The following PDE4B variants were observed in gnomAD, a reference collection of about 807,000 sequenced individuals.
PDE4B encodes the protein phosphodiesterase 4B, also known as 3',5'-cyclic-AMP phosphodiesterase 4B.
In PDE4B, 20 loss-of-function variants were observed where a neutral mutation model predicts 82.2. The observed-to-expected ratio is 0.24, with a 90% CI of 0.17 to 0.35. PDE4B has a LOEUF of 0.35. Ranked by LOEUF, PDE4B falls within the 10% of genes least tolerant of loss-of-function variation. The pLI, the probability that PDE4B is intolerant of heterozygous loss-of-function variation, is 1.00. For synonymous variants in PDE4B, 320 were observed against 318.9 expected, an observed-to-expected ratio of 1.00 and a Z score of -0.04; for missense variants, 655 against 907.2, an observed-to-expected ratio of 0.72 and a Z score of 3.57.
rs58193032 is a variant in PDE4B at position 65,818,685 on chromosome 1, C to CATATATATATATATATATATAT, written c.-71+25456_-71+25457insTATATATATATATATATATATA. ...ATACATATATATTCACACACACACA[C>CATATATATATATATATATATAT]ATATATATATATATATATAAAATAA... On this transcript the variant is annotated intron_variant, in intron 1 of 16. Coordinates refer to ENST00000341517, the MANE Select transcript of PDE4B (RefSeq NM_002600.4). Among the ~76,000 whole-genome samples, 77 of 143,766 alleles carry CATATATATATATATATATATAT rather than the reference C, an allele frequency of 5.4e-4. 1 individual carries two copies. The East Asian group carries it at 0.014, about 26-fold the overall frequency. 94.3% of individuals were successfully genotyped at this position (143,766 alleles called of 152,430 possible).
chr1:65,991,662 C>T (rs1188039661), intron 3 of PDE4B, among the ~76,000 whole-genome samples: 1 of 152,068 alleles, frequency 6.6e-6, no homozygotes, highest in Non-Finnish European at 1.5e-5. Context: ...AGCTGTATTC[C>T]AATATATATC....
chr1:66,125,927 C>A (rs916952212), intron 3 of PDE4B, among the ~76,000 whole-genome samples: 1 of 152,184 alleles, frequency 6.6e-6, no homozygotes, highest in Non-Finnish European at 1.5e-5. Context: ...CTGCTTCAGC[C>A]TCCTGAGTAG....
intron 3 of PDE4B, among the ~76,000 whole-genome samples, chr1:66,040,387 C>G (rs564789363): frequency 1.3e-5 from 2 of 152,120 alleles, no homozygotes; most frequent in South Asian, 4.1e-4. Context: ...GCTGGAGGCA[C>G]AAATACATGT....
At chr1:66,268,531 G>A (rs1655216565) in intron 7 of PDE4B, among the ~76,000 whole-genome samples, 1 of 152,014 alleles carries the variant, frequency 6.6e-6, no homozygotes, top group African/African-American at 2.4e-5. Flanking sequence ...AGCTGGGTGT[G>A]GTGGCACGTG....
intron 3 of PDE4B, among the ~76,000 whole-genome samples, chr1:66,113,542 G>C (rs1645531719): frequency 1.3e-5 from 2 of 152,122 alleles, no homozygotes; most frequent in Admixed American, 1.3e-4. Flanking sequence ...CTAAGAGAGT[G>C]AAGAGCATAA....
chr1:66,217,366 G>T (rs948735637), intron 3 of PDE4B, among the ~76,000 whole-genome samples: 2 of 152,134 alleles, frequency 1.3e-5, no homozygotes, highest in Non-Finnish European at 2.9e-5. Flanking sequence ...GGTCACTACT[G>T]CTAGGCCTGA....
chr1:66,278,345 T>G (rs1656042931), intron 7 of PDE4B, among the ~76,000 whole-genome samples: 1 of 152,190 alleles, frequency 6.6e-6, no homozygotes, highest in South Asian at 2.1e-4. Flanking sequence ...TTGGGGAACT[T>G]GAAATAACAT....
intron 1 of PDE4B, among the ~76,000 whole-genome samples, chr1:65,884,144 T>C (rs1646742926): frequency 6.6e-6 from 1 of 152,170 alleles, no homozygotes; most frequent in African/African-American, 2.4e-5. Flanking sequence ...TCTGCCAGGC[T>C]TTGGTATCAG....
chr1:66,345,965 T>C (rs753184538), intron 8 of PDE4B, among the ~76,000 whole-genome samples: 1 of 152,176 alleles, frequency 6.6e-6, no homozygotes, highest in Admixed American at 6.5e-5. Flanking sequence ...GTTTGTTCGG[T>C]TGGCTTTTGG....
At chr1:66,356,805 AAC>A (rs1415364697) in intron 9 of PDE4B, among the ~76,000 whole-genome samples, 2 of 152,166 alleles carry the variant, frequency 1.3e-5, no homozygotes, top group Non-Finnish European at 2.9e-5. Flanking sequence ...GTGCCTTTCT[AAC>A]AGTTTCTAGT....
intron 3 of PDE4B, among the ~76,000 whole-genome samples, chr1:66,199,194 C>A (rs537034544): frequency 1.3e-5 from 2 of 151,696 alleles, no homozygotes; most frequent in Middle Eastern, 3.2e-3. Flanking sequence ...ACACTGACTG[C>A]CACAATGGTT....
chr1:65,919,826 C>G (rs1647205738), intron 3 of PDE4B, among the ~76,000 whole-genome samples: 1 of 152,152 alleles, frequency 6.6e-6, no homozygotes, highest in Non-Finnish European at 1.5e-5. Flanking sequence ...TATACGGCAT[C>G]TTGACATCCT....
intron 7 of PDE4B, among the ~76,000 whole-genome samples, chr1:66,276,259 A>G (rs745316637): frequency 5.9e-5 from 9 of 152,222 alleles, no homozygotes; most frequent in Non-Finnish European, 1.3e-4. Context: ...CTTTGCGTAT[A>G]TTATTGCCCC....
At chr1:65,826,584 C>T (rs1401224682) in intron 1 of PDE4B, among the ~76,000 whole-genome samples, 1 of 152,066 alleles carries the variant, frequency 6.6e-6, no homozygotes, top group Non-Finnish European at 1.5e-5. Flanking sequence ...CTGAGATTGC[C>T]CACACCTACC....
intron 1 of PDE4B, among the ~76,000 whole-genome samples, chr1:65,881,927 G>A (rs1646713113): frequency 6.6e-6 from 1 of 152,100 alleles, no homozygotes; most frequent in Non-Finnish European, 1.5e-5. Flanking sequence ...ATATCATTAT[G>A]CTATTTGATC....
At chr1:65,969,294 G>A (rs1037223950) in intron 3 of PDE4B, among the ~76,000 whole-genome samples, 2 of 152,106 alleles carry the variant, frequency 1.3e-5, no homozygotes, top group South Asian at 2.1e-4. Flanking sequence ...CTCTGAGAGG[G>A]TCTCACTTTG....
At chr1:66,334,632 T>C (rs1660370412) in intron 8 of PDE4B, among the ~76,000 whole-genome samples, 2 of 152,250 alleles carry the variant, frequency 1.3e-5, no homozygotes, top group African/African-American at 2.4e-5. Flanking sequence ...TTTCTAGTTC[T>C]ACAGTGGAAA....
At chr1:66,307,009 G>A (rs768684089) in intron 7 of PDE4B, among the ~76,000 whole-genome samples, 3 of 152,058 alleles carry the variant, frequency 2.0e-5, no homozygotes, top group South Asian at 2.1e-4. Flanking sequence ...CGAAATAGAC[G>A]TAGTGCATTT....
At chr1:65,845,928 C>G (rs1177056870) in intron 1 of PDE4B, among the ~76,000 whole-genome samples, 2 of 152,088 alleles carry the variant, frequency 1.3e-5, no homozygotes, top group African/African-American at 4.8e-5. Flanking sequence ...AGTAAATTAC[C>G]ATCTTGTTCT....
Sources: gnomAD v4.1 joint callset for allele counts (sites outside exome capture counted in the v4.1 genomes callset) on GRCh38, gnomAD v4.1.1 for gene constraint, MANE v1.5 for transcripts, NCBI Gene and HGNC (gene_info 2026-07-23, HGNC 2026-07-21) for gene names.